The following TENM4 variants were observed in gnomAD, a reference collection of about 807,000 sequenced individuals.
The protein encoded by TENM4 is teneurin transmembrane protein 4.
Under a neutral mutation model 243.3 loss-of-function variants are expected in TENM4, and 82 were observed. That is an observed-to-expected ratio of 0.34 (90% CI 0.28 to 0.40). TENM4 has a LOEUF of 0.40. TENM4 is among the 10% of genes least tolerant of loss of function. The pLI is 1.00. For missense variants in TENM4, 3,138 were observed against 3,673.3 expected, an observed-to-expected ratio of 0.85 and a Z score of 3.77; for synonymous variants, 1,412 against 1,456.3, an observed-to-expected ratio of 0.97 and a Z score of 0.69.
At chr11:78,809,845 T>G (rs930034146) in intron 14 of TENM4, among the ~76,000 whole-genome samples, 1 of 152,344 alleles carries the variant, frequency 6.6e-6, no homozygotes, top group Admixed American at 6.5e-5. Context: ...ATGACCAGGC[T>G]GCGGACACAG....
intron 33 of TENM4, 61 bp from the exon 34 acceptor site, chr11:78,658,877 G>A: frequency 1.3e-6 from 2 of 1,538,464 alleles, no homozygotes; most frequent in South Asian, 1.2e-5. Flanking sequence ...CTGAGAACCT[G>A]GAGAATCAGC....
At chr11:79,010,441 G>A (rs1450290793) in intron 6 of TENM4, among the ~76,000 whole-genome samples, 6 of 152,050 alleles carry the variant, frequency 3.9e-5, no homozygotes, top group Admixed American at 2.6e-4. Flanking sequence ...CTCTGGGGGA[G>A]TTTTCCTTAG....
chr11:79,364,688 C>T (rs747496430), intron 1 of TENM4, among the ~76,000 whole-genome samples: 1 of 152,154 alleles, frequency 6.6e-6, no homozygotes, highest in African/African-American at 2.4e-5. Context: ...AATTTTACAA[C>T]AAGAAAACTG....
At chr11:79,394,896 C>A (rs755046497) in intron 1 of TENM4, among the ~76,000 whole-genome samples, 3 of 152,108 alleles carry the variant, frequency 2.0e-5, no homozygotes, top group Non-Finnish European at 4.4e-5. Flanking sequence ...AGCTGCAAGC[C>A]AAGGAGCACC....
At chr11:79,165,483 T>G (rs73506681) in intron 3 of TENM4, among the ~76,000 whole-genome samples, 12,264 of 152,214 alleles carry the variant, frequency 0.081, 1,024 homozygotes, top group East Asian at 0.41. Flanking sequence ...TACTTTTTGA[T>G]GAAATTGTTT....
intron 27 of TENM4, among the ~76,000 whole-genome samples, chr11:78,704,058 CACACACAT>C (rs950771377): frequency 4.1e-5 from 6 of 146,604 alleles, no homozygotes; most frequent in African/African-American, 1.3e-4. Flanking sequence ...CACACACACA[CACACACAT>C]ATATATATAA....
At chr11:78,910,703 A>G (rs1229387528) in intron 6 of TENM4, among the ~76,000 whole-genome samples, 9 of 152,256 alleles carry the variant, frequency 5.9e-5, no homozygotes, top group African/African-American at 2.2e-4. Context: ...GAATGGATCA[A>G]AACAATGAAG....
intron 9 of TENM4, among the ~76,000 whole-genome samples, chr11:78,865,647 A>G (rs900010294): frequency 1.3e-5 from 2 of 152,200 alleles, no homozygotes; most frequent in Non-Finnish European, 2.9e-5. Flanking sequence ...AGGAGACTGG[A>G]GCACAGCATA....
chr11:78,801,562 A>G (rs973132213), intron 15 of TENM4, among the ~76,000 whole-genome samples: 1 of 152,142 alleles, frequency 6.6e-6, no homozygotes, highest in African/African-American at 2.4e-5. Context: ...GTGCTGAGGA[A>G]CTTGTCAGCT....
At chr11:78,898,531 G>T (rs1309978834) in intron 7 of TENM4, among the ~76,000 whole-genome samples, 1 of 152,162 alleles carries the variant, frequency 6.6e-6, no homozygotes, top group African/African-American at 2.4e-5. Context: ...GGGCCGCTAG[G>T]CCTCTGCTCA....
chr11:79,035,317 A>G (rs1468892244), intron 6 of TENM4, among the ~76,000 whole-genome samples: 2 of 152,094 alleles, frequency 1.3e-5, no homozygotes, highest in East Asian at 3.9e-4. Context: ...TGTATCCCAA[A>G]CATTACCTTG....
At chr11:79,305,617 G>A (rs770181163) in intron 1 of TENM4, among the ~76,000 whole-genome samples, 8 of 152,202 alleles carry the variant, frequency 5.3e-5, no homozygotes, top group Non-Finnish European at 1.0e-4. Context: ...AAGGAGATGC[G>A]GAACCTCTGA....
chr11:78,753,300 A>C lies in TENM4; in HGVS notation c.2756+3505T>G, dbSNP rs553698917. 3.9e-5 allele frequency among the ~76,000 whole-genome samples: 6 copies of C among 152,350 alleles called. No individual in the cohort carries two copies. The South Asian group carries it at 8.3e-4, about 21-fold the overall frequency. On this transcript the variant is annotated intron_variant, in intron 19 of 33. Transcript: ENST00000278550. Reference sequence around the variant, plus strand: ...GAAAGAGTACCATTATTGCCAATTTATAACTAGAGCCACCTACACAAAGGT... The same window carrying C: ...GAAAGAGTACCATTATTGCCAATTTCTAACTAGAGCCACCTACACAAAGGT...
intron 4 of TENM4, among the ~76,000 whole-genome samples, chr11:79,081,534 G>GTGTGT (rs142241805): frequency 1.3e-5 from 2 of 148,288 alleles, no homozygotes; most frequent in African/African-American, 5.0e-5. Context: ...TGTCAGAGGT[G>GTGTGT]GTGTGTGTGT....
At chr11:79,069,383 G>C (rs7949182) in intron 5 of TENM4, among the ~76,000 whole-genome samples, 91,380 of 152,018 alleles carry the variant, frequency 0.6, 27,942 homozygotes, top group African/African-American at 0.64. Flanking sequence ...CACTAGGGAG[G>C]CTTCTCACGG....
At chr11:78,749,586 T>C (rs1387682408) in intron 19 of TENM4, among the ~76,000 whole-genome samples, 3 of 152,210 alleles carry the variant, frequency 2.0e-5, no homozygotes. Flanking sequence ...CTTCTGAAAC[T>C]GCTATGCCAC....
Position 78,732,565 on chromosome 11 carries a change from C to A in TENM4, c.2889G>T (p.Val963=). The A allele has an allele frequency of 6.2e-7, 1 of 1,602,606 alleles. No individual in the cohort carries two copies. The highest frequency in any genetic ancestry group is 1.1e-5 in the South Asian group (1 of 89,968). ...GGATGATGGAGATGCCGCCATTTGT[C>A]ACCAAGTCAAAGCTGTTTGGGAGGG... ...ISRQDGSFDL[V]TNGGISIILR... The change falls in exon 21 of 34, where the codon GTG becomes GTT. Residue 963 remains valine, a synonymous_variant. Coordinates refer to ENST00000278550, the MANE Select transcript of TENM4 (RefSeq NM_001098816.3).
intron 6 of TENM4, among the ~76,000 whole-genome samples, chr11:78,990,916 G>T (rs1247153899): frequency 6.6e-6 from 1 of 152,172 alleles, no homozygotes; most frequent in Non-Finnish European, 1.5e-5. Flanking sequence ...ATTAGAAAAA[G>T]GATATTAAAA....
chr11:79,270,412 T>C (rs1441988358), intron 2 of TENM4, among the ~76,000 whole-genome samples: 1 of 152,244 alleles, frequency 6.6e-6, no homozygotes, highest in Non-Finnish European at 1.5e-5. Flanking sequence ...AAATCTGCTA[T>C]ATAAAATTTT....
Sources: allele counts gnomAD v4.1 joint callset (sites outside exome capture counted in the v4.1 genomes callset), GRCh38; gene constraint gnomAD v4.1.1; transcripts MANE v1.5; gene names NCBI Gene and HGNC (gene_info 2026-07-23, HGNC 2026-07-21).